Variants in LY86 observed in about 807,000 individuals in gnomAD.
LY86 encodes lymphocyte antigen 86, also known as MD-1, RP105-associated.
In LY86, 20 loss-of-function variants were observed where a neutral mutation model predicts 17.3. That is an observed-to-expected ratio of 1.15 (90% CI 0.81 to 1.68). The LOEUF (loss-of-function observed/expected upper bound fraction) is 1.68. LY86 is among the 40% of genes most tolerant of loss of function. The pLI is 0.00. For synonymous variants in LY86, 74 were observed against 70.6 expected, an observed-to-expected ratio of 1.05 and a Z score of -0.24; for missense variants, 200 against 191.9, an observed-to-expected ratio of 1.04 and a Z score of -0.25.
chr6:6,588,720 A>G lies in LY86; in HGVS notation c.-15A>G. On this transcript the variant is annotated 5_prime_UTR_variant, in exon 1 of 5. Coordinates refer to ENST00000230568, the MANE Select transcript of LY86 (RefSeq NM_004271.4). ...GGCCGGTTATTTTTCTGTGTGTCCC[A>G]TACAGGCCCCCACCATGAAGGGTTT... 1 of 1,613,658 alleles carries G rather than the reference A, an allele frequency of 6.2e-7. No individual in the cohort carries two copies. Among genetic ancestry groups the G allele is most frequent in the Non-Finnish European group, 8.5e-7 (1 of 1,179,662 alleles).
chr6:6,654,427 G>A (rs181904352), intron 4 of LY86, 117 bp from the exon 5 acceptor site: 11 of 760,096 alleles, frequency 1.4e-5, no homozygotes, highest in Admixed American at 9.0e-5. Context: ...CTTGTTCTAC[G>A]TTATCCACAA....
chr6:6,649,809 T>C (rs1762160611), intron 4 of LY86, 132 bp downstream of exon 4: 2 of 660,962 alleles, frequency 3.0e-6, no homozygotes, highest in Admixed American at 3.1e-5. Context: ...AACTTATCCA[T>C]AGGCCATCCC....
chr6:6,625,809 A>C (rs1761774430), intron 2 of LY86, among the ~76,000 whole-genome samples: 1 of 152,190 alleles, frequency 6.6e-6, no homozygotes, highest in Non-Finnish European at 1.5e-5. Context: ...GTGGAACATA[A>C]AAGGGAGGAA....
At chr6:6,625,735 C>G (rs2113141012) in intron 2 of LY86, among the ~76,000 whole-genome samples, 1 of 152,260 alleles carries the variant, frequency 6.6e-6, no homozygotes, top group Admixed American at 6.5e-5. Flanking sequence ...TATCTGGACT[C>G]TAGCAGCAGC....
chr6:6,629,691 A>G (rs572769791), intron 3 of LY86, among the ~76,000 whole-genome samples: 27 of 152,360 alleles, frequency 1.8e-4, no homozygotes, highest in Admixed American at 5.2e-4. Flanking sequence ...AGGCTTAGTG[A>G]GACTGAAATG....
intron 4 of LY86, 119 bp from the exon 5 acceptor site, chr6:6,654,425 A>C: frequency 1.3e-6 from 1 of 747,490 alleles, no homozygotes; most frequent in South Asian, 1.7e-5. Flanking sequence ...GTCTTGTTCT[A>C]CGTTATCCAC....
intron 1 of LY86, among the ~76,000 whole-genome samples, chr6:6,597,714 A>C (rs1287926666): frequency 5.3e-5 from 8 of 152,216 alleles, no homozygotes; most frequent in Admixed American, 5.2e-4. Flanking sequence ...GGAAGGCATC[A>C]CTGTGTGTCC....
At chr6:6,626,497 C>T (rs1027293825) in intron 3 of LY86, 76 bp downstream of exon 3, 26 of 1,539,458 alleles carry the variant, frequency 1.7e-5, no homozygotes, top group South Asian at 9.2e-5. Context: ...GAGGCCAGGA[C>T]GCCCAGACCA....
intron 1 of LY86, among the ~76,000 whole-genome samples, chr6:6,613,346 G>A (rs557635983): frequency 2.0e-5 from 3 of 152,348 alleles, no homozygotes; most frequent in South Asian, 4.1e-4. Context: ...TCGTCGGGGA[G>A]GCTTGGCCTG....
intron 1 of LY86, among the ~76,000 whole-genome samples, chr6:6,605,810 T>A (rs191645515): frequency 2.0e-4 from 31 of 152,280 alleles, no homozygotes; most frequent in African/African-American, 6.5e-4. Context: ...GTGGGGTTCG[T>A]GGTCTCGCTG....
chr6:6,606,607 G>A (rs994257080), intron 1 of LY86, among the ~76,000 whole-genome samples: 1 of 152,234 alleles, frequency 6.6e-6, no homozygotes, highest in African/African-American at 2.4e-5. Flanking sequence ...CAGGTCCCTA[G>A]CCCTGCCACG....
chr6:6,639,521 T>G (rs1762008638), intron 3 of LY86, among the ~76,000 whole-genome samples: 1 of 152,192 alleles, frequency 6.6e-6, no homozygotes, highest in Non-Finnish European at 1.5e-5. Context: ...ATTGTGTTTC[T>G]TCTGGAGGCC....
intron 1 of LY86, among the ~76,000 whole-genome samples, chr6:6,602,428 T>G (rs1760937099): frequency 6.6e-6 from 1 of 152,228 alleles, no homozygotes; most frequent in Non-Finnish European, 1.5e-5. Context: ...ATTACTCTGG[T>G]GATGAAACCA....
At chr6:6,598,292 CAT>C (rs778739943) in intron 1 of LY86, among the ~76,000 whole-genome samples, 11 of 152,144 alleles carry the variant, frequency 7.2e-5, no homozygotes, top group Non-Finnish European at 1.5e-4. Flanking sequence ...TTATTCAACT[CAT>C]TTTTTTTCTT....
chr6:6,609,275 C>T (rs1761273163), intron 1 of LY86, among the ~76,000 whole-genome samples: 1 of 152,228 alleles, frequency 6.6e-6, no homozygotes, highest in South Asian at 2.1e-4. Flanking sequence ...AGCAGACCCA[C>T]CCTGGCTTCA....
rs149323618 is a variant in LY86, at chr6:6,619,084, C to T, written c.137-5842C>T. ...ATCCTCCTGTAAAGGTCTACGGTGA[C>T]CCTTGAACGTCATCCTATGAATTCG... On this transcript the variant is annotated intron_variant, in intron 1 of 4. Transcript: ENST00000230568. Among the ~76,000 whole-genome samples, 41 of 152,252 alleles carry T rather than the reference C, an allele frequency of 2.7e-4. No individual in the cohort carries two copies. In the East Asian group the frequency reaches 7.1e-3, roughly 26 times the overall value.
intron 3 of LY86, among the ~76,000 whole-genome samples, chr6:6,643,773 AACAC>A (rs992439896): frequency 6.6e-6 from 1 of 152,172 alleles, no homozygotes; most frequent in Non-Finnish European, 1.5e-5. Flanking sequence ...TGTGCACACA[AACAC>A]ACACACACGA....
At chr6:6,602,766 T>C (rs1265804806) in intron 1 of LY86, among the ~76,000 whole-genome samples, 1 of 152,142 alleles carries the variant, frequency 6.6e-6, no homozygotes, top group Non-Finnish European at 1.5e-5. Flanking sequence ...CACCTGTTAT[T>C]TGTTGAGAGC....
At chr6:6,650,539 T>A (rs923671078) in intron 4 of LY86, among the ~76,000 whole-genome samples, 5 of 152,184 alleles carry the variant, frequency 3.3e-5, no homozygotes, top group Non-Finnish European at 7.3e-5. Flanking sequence ...TTCACCATAT[T>A]GGCCAGGTTG....
Sources: gnomAD v4.1 joint callset for allele counts (sites outside exome capture counted in the v4.1 genomes callset) on GRCh38, gnomAD v4.1.1 for gene constraint, MANE v1.5 for transcripts, NCBI Gene and HGNC (gene_info 2026-07-23, HGNC 2026-07-21) for gene names.